Variants in HSDL1 observed in about 807,000 individuals in gnomAD.
HSDL1 encodes inactive hydroxysteroid dehydrogenase-like protein 1.
Under a neutral mutation model 31.5 loss-of-function variants are expected in HSDL1, and 29 were observed. That is an observed-to-expected ratio of 0.92 (90% CI 0.69 to 1.26). The LOEUF is 1.26. Ranked by LOEUF, HSDL1 falls within the 50% of genes most tolerant of loss-of-function variation. The pLI, the probability that HSDL1 is intolerant of heterozygous loss-of-function variation, is 0.00. For missense variants in HSDL1, 503 were observed against 416.6 expected, an observed-to-expected ratio of 1.21 and a Z score of -1.81; for synonymous variants, 222 against 155.2, an observed-to-expected ratio of 1.43 and a Z score of -3.20.
intron 1 of HSDL1, chr16:84,144,414 C>A (rs941512493): frequency 1.3e-5 from 2 of 152,310 alleles, no homozygotes; most frequent in Admixed American, 6.5e-5. Flanking sequence ...GGCGCTGCAG[C>A]GATCCGGTTT....
intron 5 of HSDL1, chr16:84,125,015 C>T (rs1358182875): frequency 1.1e-5 from 2 of 183,778 alleles, no homozygotes; most frequent in Non-Finnish European, 2.2e-5. Context: ...AATCACAATA[C>T]CCACCAATCA....
intron 2 of HSDL1, among the ~76,000 whole-genome samples, chr16:84,132,785 C>A (rs2086680487): frequency 6.6e-6 from 1 of 152,104 alleles, no homozygotes; most frequent in African/African-American, 2.4e-5. Context: ...CAGGCTAAAC[C>A]AACCGTGTGC....
chr16:84,128,053 C>T (rs2086626708), intron 5 of HSDL1, among the ~76,000 whole-genome samples: 1 of 150,318 alleles, frequency 6.7e-6, no homozygotes. Flanking sequence ...CTTTGGGAGG[C>T]CAAGGCGGGT....
chr16:84,129,241 G>A (rs796915127), intron 5 of HSDL1, among the ~76,000 whole-genome samples: 3 of 152,028 alleles, frequency 2.0e-5, no homozygotes, highest in African/African-American at 7.2e-5. Context: ...TTAGCCAGGC[G>A]TGGTGGCAGG....
In HSDL1 at chr16:84,128,591, T is replaced by A. The variant is rs184675357; in HGVS notation, c.894+957A>T. 2.6e-4 allele frequency among the ~76,000 whole-genome samples: 40 copies of A among 152,348 alleles called. No individual in the cohort carries two copies. The East Asian group carries it at 7.3e-3, about 28-fold the overall frequency. ...CTATCTTGTGGTTTTGTGGTTTTTT[T>A]GGATTATATTTTTCACTGAGAGGTA... On this transcript the variant is annotated intron_variant, in intron 5 of 5. Transcript: ENST00000219439.
Position 84,130,321 on chromosome 16 carries a change from T to C in HSDL1, c.331A>G (p.Ile111Val). 8.7e-6 allele frequency: 14 copies of C among 1,614,256 alleles called. No individual in the cohort carries two copies. Among genetic ancestry groups the C allele is most frequent in the Non-Finnish European group, 1.1e-5 (13 of 1,180,052 alleles). The change falls in exon 4 of 6, where the codon ATA becomes GTA. Residue 111 changes from isoleucine (I) to valine (V), a missense_variant. By Grantham distance (29) the Ile-to-Val change is conservative. Transcript: ENST00000219439. ...EEKLQVVAKD[I>V]ADTYKVETDI... is the part of the protein sequence containing the mutation. Reference sequence around the variant, plus strand: ...GTTTCCACTTTGTACGTGTCGGCTATGTCTTTAGCAACAACCTGCAACTTC... The same window carrying C: ...GTTTCCACTTTGTACGTGTCGGCTACGTCTTTAGCAACAACCTGCAACTTC...
intron 2 of HSDL1, 149 bp from the exon 3 acceptor site, chr16:84,131,476 A>G: frequency 1.6e-6 from 1 of 616,974 alleles, no homozygotes; most frequent in East Asian, 2.8e-5. Flanking sequence ...CGTGGCTCAC[A>G]GTTTCAGTCT....
intron 3 of HSDL1, 189 bp downstream of exon 3, chr16:84,130,913 T>C: frequency 1.7e-6 from 1 of 592,206 alleles, no homozygotes; most frequent in Non-Finnish European, 3.0e-6. Flanking sequence ...AGGATACCAA[T>C]CATGAGGCCA....
chr16:84,141,424 G>A (rs900640108), intron 1 of HSDL1, among the ~76,000 whole-genome samples: 1 of 152,146 alleles, frequency 6.6e-6, no homozygotes, highest in Admixed American at 6.5e-5. Flanking sequence ...CCCTGCTGCT[G>A]GTGCTAGGCA....
Position 84,130,237 on chromosome 16 carries a change from C to T in HSDL1, c.415G>A (p.Ala139Thr), listed in dbSNP as rs762457439. 1 of 1,614,210 alleles carries T rather than the reference C, an allele frequency of 6.2e-7. No homozygotes were observed. Among genetic ancestry groups the T allele is most frequent in the South Asian group, 1.1e-5 (1 of 91,080 alleles). Residue 139 changes from alanine to threonine, a missense_variant, in exon 4 of 6, where the codon GCC becomes ACC. Ala to Thr is a moderately conservative substitution (Grantham distance 58). Coordinates refer to ENST00000219439, the MANE Select transcript of HSDL1 (RefSeq NM_031463.5). ...ATGCCAACGTCTTTGTCCTTCAGGG[C>T]TTCTCGAATTGGAAGGTAGATCTCA... The part of the protein sequence containing the change: ...GREIYLPIRE[A>T]LKDKDVGILV...
Position 84,138,492 on chromosome 16 carries a change from T to G in HSDL1, c.-68-2887A>C, listed in dbSNP as rs899823482. Among the ~76,000 whole-genome samples, 8 of 152,308 alleles carry G rather than the reference T, an allele frequency of 5.3e-5. No homozygotes were observed. In the East Asian group the frequency reaches 9.6e-4, roughly 18 times the overall value. On this transcript the variant is annotated intron_variant, in intron 1 of 5. Coordinates refer to ENST00000219439, the MANE Select transcript of HSDL1 (RefSeq NM_031463.5). ...TTCTCACCATAAAGAAATAAAAAAG[T>G]AACTGAGGTGATGAATGTGTTAACT...
rs1193712467 is a variant in HSDL1 at position 84,123,594 on chromosome 16, A to G, written c.*1036T>C. 6.6e-6 allele frequency: 1 copy of G among 152,604 alleles called. No individual in the cohort carries two copies. The highest frequency in any genetic ancestry group is 2.4e-5 in the African/African-American group (1 of 41,464). 9.5% of individuals were successfully genotyped at this position (152,604 alleles called of 1,614,324 possible). On this transcript the variant is annotated 3_prime_UTR_variant, in exon 6 of 6. Coordinates refer to ENST00000219439, the MANE Select transcript of HSDL1 (RefSeq NM_031463.5). ...GAATAAGCTTCTAACTTATATTGACAGATATGTCACACACGTAATTTGTCC... is the reference window on the plus strand; with the variant it reads ...GAATAAGCTTCTAACTTATATTGACGGATATGTCACACACGTAATTTGTCC...
chr16:84,130,253 G>T lies in HSDL1; in HGVS notation c.399C>A (p.Tyr133Ter). ...CCTTCAGGGCTTCTCGAATTGGAAG[G>T]TAGATCTCACGACCGCTGCTGAAGT... ...VADFSSGREI[Y>*]LPIREALKDK... The change falls in exon 4 of 6, where the codon TAC becomes TAA. Residue 133 changes from tyrosine to a stop codon, truncating the protein, a stop_gained. Transcript: ENST00000219439. LOFTEE classifies it high-confidence loss of function. 6.2e-7 allele frequency: 1 copy of T among 1,614,226 alleles called. No homozygotes were observed. Among genetic ancestry groups the T allele is most frequent in the Non-Finnish European group, 8.5e-7 (1 of 1,180,044 alleles).
chr16:84,131,340 G>GTTT lies in HSDL1; in HGVS notation c.-6-14_-6-13insAAA, dbSNP rs1567520723. 2 of 1,570,134 alleles carry GTTT rather than the reference G, an allele frequency of 1.3e-6. No homozygotes were observed. The highest frequency in any genetic ancestry group is 2.2e-5 in the South Asian group (2 of 90,096). On this transcript the variant is annotated splice_polypyrimidine_tract_variant and intron_variant, in intron 2 of 5. Coordinates refer to ENST00000219439, the MANE Select transcript of HSDL1 (RefSeq NM_031463.5). Reference sequence around the variant, plus strand: ...CAGCCATGGCAACCTGCAGGGAGAGGGAAAGAGAGAGAGCCTCTTTGATTA... The same window carrying GTTT: ...CAGCCATGGCAACCTGCAGGGAGAGGTTTGAAAGAGAGAGAGCCTCTTTGATTA...
chr16:84,130,461 G>A (rs531000099), intron 3 of HSDL1, 30 bp from the exon 4 acceptor site: 60 of 1,569,474 alleles, frequency 3.8e-5, no homozygotes, highest in Non-Finnish European at 5.1e-5. Flanking sequence ...AAGTGAGCAT[G>A]TGTATTTCAC....
intron 5 of HSDL1, 94 bp downstream of exon 5, chr16:84,129,454 A>G: frequency 2.2e-6 from 2 of 912,102 alleles, no homozygotes; most frequent in Non-Finnish European, 3.4e-6. Flanking sequence ...AGAATTTACA[A>G]TTCTCATCTT....
At chr16:84,144,193 T>A (rs978660578) in intron 1 of HSDL1, 4 of 152,030 alleles carry the variant, frequency 2.6e-5, no homozygotes, top group Non-Finnish European at 4.4e-5. Flanking sequence ...ATTAATCTTA[T>A]AAAGCGCAGT....
chr16:84,130,536 T>A (rs2151186936), intron 3 of HSDL1, 105 bp from the exon 4 acceptor site: 2 of 924,566 alleles, frequency 2.2e-6, no homozygotes, highest in Non-Finnish European at 3.3e-6. Context: ...AAATTCACAC[T>A]AGAAATCAAG....
rs1488362978 is a variant in HSDL1 at position 84,122,419 on chromosome 16, A to C, written c.*2211T>G. On this transcript the variant is annotated 3_prime_UTR_variant, in exon 6 of 6. Transcript: ENST00000219439. ...TGTCTCAAGGCTGGAGTGCAGTGGC[A>C]CGATCTTGGCTCACTTCAACCTCTG... 2 of 151,370 alleles carry C rather than the reference A, an allele frequency of 1.3e-5. No individual in the cohort carries two copies. Among genetic ancestry groups the C allele is most frequent in the Non-Finnish European group, 2.9e-5 (2 of 67,966 alleles). 9.4% of individuals were successfully genotyped at this position (151,370 alleles called of 1,614,324 possible). A position where few individuals can be genotyped will look rare whatever the true frequency, so the allele number is the denominator to read the frequency against.
Sources: gnomAD v4.1 joint callset for allele counts (sites outside exome capture counted in the v4.1 genomes callset) on GRCh38, gnomAD v4.1.1 for gene constraint, MANE v1.5 for transcripts, NCBI Gene and HGNC (gene_info 2026-07-23, HGNC 2026-07-21) for gene names.